ITPR1: variants seen among roughly 807,000 people sequenced by gnomAD.
ITPR1 encodes the protein inositol 1,4,5-trisphosphate receptor type 1, also known as inositol 1,4,5-trisphosphate-gated calcium channel ITPR1.
Under a neutral mutation model 318.4 loss-of-function variants are expected in ITPR1, and 96 were observed. The observed-to-expected ratio is 0.30, with a 90% confidence interval of 0.26 to 0.36. The LOEUF (loss-of-function observed/expected upper bound fraction) is 0.36. ITPR1 is among the 10% of genes least tolerant of loss of function. The pLI, the probability that ITPR1 is intolerant of heterozygous loss-of-function variation, is 1.00. For missense variants in ITPR1, 2,440 were observed against 3,460.2 expected (o/e 0.71, Z 7.40); for synonymous variants, 1,312 against 1,289.9 (o/e 1.02, Z -0.37).
At position 4,779,457 on chromosome 3, in the gene ITPR1, G is replaced by A. The variant is rs144211710; in HGVS notation, c.6292-93G>A. On this transcript the variant is annotated intron_variant, in intron 48 of 61. Transcript: ENST00000649015. The surrounding 1 kb of genome is among the most constrained non-coding windows in gnomAD (Gnocchi z 4.0). ...GGGTGAAATGTTCGTCTGTTTAGCC[G>A]GGATGCCTCCCATGTGCCAGTTGGC... is the stretch of plus-strand genomic sequence containing the variant. 9 of 861,016 alleles carry A rather than the reference G, an allele frequency of 1.0e-5. No individual in the cohort carries two copies. Among genetic ancestry groups the A allele is most frequent in the African/African-American group, 8.3e-5 (5 of 60,396 alleles). 53.3% of individuals were successfully genotyped at this position (861,016 alleles called of 1,614,324 possible).
intron 44 of ITPR1, among the ~76,000 whole-genome samples, chr3:4,764,890 C>G (rs74520610): frequency 0.016 from 2,447 of 152,028 alleles, 69 homozygotes; most frequent in African/African-American, 0.055. Flanking sequence ...GTTCACTTCT[C>G]TTATAACTGA....
intron 54 of ITPR1, among the ~76,000 whole-genome samples, chr3:4,803,236 C>T (rs763627491): frequency 3.9e-5 from 6 of 152,216 alleles, no homozygotes; most frequent in Admixed American, 1.3e-4. Context: ...CACCTCCCCC[C>T]AGGCCCCACC....
chr3:4,619,289 G>T (rs1397485256), intron 4 of ITPR1, among the ~76,000 whole-genome samples: 4 of 152,146 alleles, frequency 2.6e-5, no homozygotes, highest in African/African-American at 9.7e-5. Context: ...AACCTGGGGA[G>T]TCATCTCCAG....
chr3:4,657,840 C>A (rs186921042), intron 12 of ITPR1, among the ~76,000 whole-genome samples: 1 of 151,616 alleles, frequency 6.6e-6, no homozygotes, highest in African/African-American at 2.4e-5. Context: ...CTCCAGACCT[C>A]GTGATCCACC....
intron 4 of ITPR1, among the ~76,000 whole-genome samples, chr3:4,569,422 G>T (rs1420007341): frequency 6.6e-6 from 1 of 152,122 alleles, no homozygotes; most frequent in Admixed American, 6.5e-5. Context: ...GTTTTTATAA[G>T]TCAACTCATT....
chr3:4,542,888 C>T (rs2084599689), intron 4 of ITPR1, among the ~76,000 whole-genome samples: 1 of 152,114 alleles, frequency 6.6e-6, no homozygotes, highest in Non-Finnish European at 1.5e-5. Context: ...CTCTGGATTC[C>T]CTTCTATATA....
intron 44 of ITPR1, among the ~76,000 whole-genome samples, chr3:4,754,056 G>GGC (rs2044762238): frequency 7.6e-6 from 1 of 132,170 alleles, no homozygotes. Flanking sequence ...AATGGGGGGG[G>GGC]GGTGGCAAGG....
chr3:4,704,674 C>T (rs1260894993), intron 36 of ITPR1, among the ~76,000 whole-genome samples: 1 of 151,870 alleles, frequency 6.6e-6, no homozygotes, highest in Non-Finnish European at 1.5e-5. Flanking sequence ...TGACTAGTAG[C>T]TCAGTGCTCA....
chr3:4,788,184 G>A (rs2047325780), intron 52 of ITPR1, 45 bp downstream of exon 52: 1 of 1,488,078 alleles, frequency 6.7e-7, no homozygotes, highest in Non-Finnish European at 9.2e-7. Flanking sequence ...ACACAGTTCT[G>A]GGATTTCACA....
intron 13 of ITPR1, among the ~76,000 whole-genome samples, chr3:4,660,619 C>A (rs889810779): frequency 6.6e-6 from 1 of 152,018 alleles, no homozygotes; most frequent in Non-Finnish European, 1.5e-5. Flanking sequence ...TCACTGATCC[C>A]TATGAAAATT....
chr3:4,710,587 G>C lies in ITPR1; in HGVS notation c.4991+114G>C. On this transcript the variant is annotated intron_variant, in intron 38 of 61. Coordinates refer to ENST00000649015, the MANE Select transcript of ITPR1 (RefSeq NM_001378452.1). The surrounding 1 kb of genome is among the most constrained non-coding windows in gnomAD (Gnocchi z 4.2). Reference sequence around the variant, plus strand: ...TGTTTTTTAACTTTGATGAATGCAAGGTCATGTGCTAAAGTCCTGTTCTGA... The same window carrying C: ...TGTTTTTTAACTTTGATGAATGCAACGTCATGTGCTAAAGTCCTGTTCTGA... 1 of 1,054,830 alleles carries C rather than the reference G, an allele frequency of 9.5e-7. No homozygotes were observed. Among genetic ancestry groups the C allele is most frequent in the East Asian group, 2.7e-5 (1 of 37,618 alleles). The allele number at this position is 1,054,830 out of a possible 1,614,324, so 65.3% of individuals were successfully genotyped here.
In ITPR1 at chr3:4,815,900, T is replaced by C. The variant is rs140710380; in HGVS notation, c.7867+682T>C. 9.7e-3 allele frequency among the ~76,000 whole-genome samples: 1,483 copies of C among 152,212 alleles called. 21 individuals are homozygous for C. The highest frequency in any genetic ancestry group is 0.034 in the African/African-American group (1,407 of 41,496). ...TTGCTTTGGCATAATTTCAGAGTTATAGAAAAGACATGACTATCCAAAGAA... is the reference window on the plus strand; with the variant it reads ...TTGCTTTGGCATAATTTCAGAGTTACAGAAAAGACATGACTATCCAAAGAA... On this transcript the variant is annotated intron_variant, in intron 59 of 61. Coordinates refer to ENST00000649015, the MANE Select transcript of ITPR1 (RefSeq NM_001378452.1).
intron 4 of ITPR1, among the ~76,000 whole-genome samples, chr3:4,616,028 A>T (rs2092375083): frequency 6.6e-6 from 1 of 152,218 alleles, no homozygotes; most frequent in Non-Finnish European, 1.5e-5. Flanking sequence ...TTCCAATTGG[A>T]AAATGTCACT....
At position 4,707,593 on chromosome 3, in the gene ITPR1, G is replaced by C. The variant is rs80066307; in HGVS notation, c.4842+1242G>C. Among the ~76,000 whole-genome samples the C allele has an allele frequency of 7.5e-3, 1,139 of 152,272 alleles. 14 individuals are homozygous for C. Among genetic ancestry groups the C allele is most frequent in the African/African-American group, 0.026 (1,076 of 41,540 alleles). On this transcript the variant is annotated intron_variant, in intron 37 of 61. Transcript: ENST00000649015. The stretch of plus-strand genomic sequence containing the variant: ...GTCTCAAAGGTTCACTCCAGTTCAG[G>C]GGGAGGGAATCTAGACCATCATTCA...
chr3:4,741,143 G>A (rs1575085450), intron 44 of ITPR1, among the ~76,000 whole-genome samples: 1 of 152,098 alleles, frequency 6.6e-6, no homozygotes, highest in African/African-American at 2.4e-5. Context: ...CTTACAGAAG[G>A]ACAGGGGCTG....
intron 16 of ITPR1, 67 bp downstream of exon 16, chr3:4,663,273 A>G (rs2093876136): frequency 1.4e-6 from 2 of 1,463,464 alleles, no homozygotes; most frequent in South Asian, 1.3e-5. Context: ...GTGGTAGCTC[A>G]TGCCTGTAGT....
At chr3:4,636,247 C>A (rs954081989) in intron 5 of ITPR1, among the ~76,000 whole-genome samples, 4 of 152,170 alleles carry the variant, frequency 2.6e-5, no homozygotes, top group African/African-American at 9.7e-5. Context: ...GGGAAGTTTT[C>A]TCCTTAATGA....
chr3:4,563,397 T>C (rs1194949766), intron 4 of ITPR1, among the ~76,000 whole-genome samples: 1 of 152,118 alleles, frequency 6.6e-6, no homozygotes, highest in Non-Finnish European at 1.5e-5. Context: ...TGGTCCCAGC[T>C]ACTCAGGAGG....
chr3:4,812,653 G>A (rs1439394147), intron 56 of ITPR1, among the ~76,000 whole-genome samples: 5 of 152,184 alleles, frequency 3.3e-5, no homozygotes, highest in Non-Finnish European at 7.3e-5. Flanking sequence ...GTGGCTGACT[G>A]AGCCAGCCAG....
Sources: gnomAD v4.1 joint callset for allele counts (sites outside exome capture counted in the v4.1 genomes callset) on GRCh38, gnomAD v4.1.1 for gene constraint, Gnocchi (gnomAD v3.1) non-coding constraint, MANE v1.5 for transcripts, NCBI Gene and HGNC (gene_info 2026-07-23, HGNC 2026-07-21) for gene names.